The following MGAT4C variants were observed in gnomAD, a reference collection of about 807,000 sequenced individuals.
MGAT4C encodes MGAT4 family member C, also known as alpha-1,3-mannosyl-glycoprotein 4-beta-N-acetylglucosaminyltransferase C.
A neutral mutation model predicts 40.1 loss-of-function variants in MGAT4C; 19 were observed. The ratio of observed to expected loss-of-function variants is 0.47; its 90% confidence interval spans 0.33 to 0.70. The LOEUF (loss-of-function observed/expected upper bound fraction) is 0.70, where lower values mean the gene tolerates loss of function less well. Among genes scored for constraint, MGAT4C ranks in the 30% least tolerant of loss-of-function variants. MGAT4C has a pLI of 0.02. For missense variants in MGAT4C, 491 were observed against 563.2 expected (o/e 0.87, Z 1.30); for synonymous variants, 181 against 187.1 (o/e 0.97, Z 0.27).
intron 3 of MGAT4C, among the ~76,000 whole-genome samples, chr12:86,434,913 G>A (rs1225259444): frequency 6.6e-6 from 1 of 151,798 alleles, no homozygotes; most frequent in East Asian, 1.9e-4. Flanking sequence ...TCACTCAACA[G>A]AAGAGTAGTT....
intron 2 of MGAT4C, among the ~76,000 whole-genome samples, chr12:86,575,583 C>T (rs763426256): frequency 6.6e-5 from 10 of 151,768 alleles, no homozygotes; most frequent in African/African-American, 2.4e-4. Flanking sequence ...GTATATGTAT[C>T]GTATTTTTCT....
chr12:86,268,546 T>C (rs929047311), intron 4 of MGAT4C, among the ~76,000 whole-genome samples: 4 of 151,464 alleles, frequency 2.6e-5, no homozygotes, highest in South Asian at 2.1e-4. Context: ...TACGGACTCA[T>C]AGATTTTTGA....
chr12:86,759,597 T>C (rs1245536634), intron 1 of MGAT4C, among the ~76,000 whole-genome samples: 2 of 152,072 alleles, frequency 1.3e-5, no homozygotes, highest in Non-Finnish European at 2.9e-5. Context: ...TAAGGTTATA[T>C]CTCATTTTAA....
intron 1 of MGAT4C, among the ~76,000 whole-genome samples, chr12:86,811,956 C>T (rs981419041): frequency 2.0e-5 from 3 of 152,372 alleles, no homozygotes; most frequent in East Asian, 3.9e-4. Flanking sequence ...TCATGCTATA[C>T]ATTTTTCTCT....
At chr12:86,739,573 C>G (rs1390645797) in intron 1 of MGAT4C, among the ~76,000 whole-genome samples, 1 of 150,738 alleles carries the variant, frequency 6.6e-6, no homozygotes, top group East Asian at 1.9e-4. Flanking sequence ...CATGCACAGA[C>G]TTTTCTTATC....
chr12:86,803,315 G>A (rs1445870821), intron 1 of MGAT4C, among the ~76,000 whole-genome samples: 1 of 151,328 alleles, frequency 6.6e-6, no homozygotes, highest in Non-Finnish European at 1.5e-5. Flanking sequence ...AAAAACCCTA[G>A]AAGAAAACCT....
intron 4 of MGAT4C, among the ~76,000 whole-genome samples, chr12:86,271,260 A>T (rs1325266845): frequency 6.6e-6 from 1 of 152,184 alleles, no homozygotes; most frequent in Non-Finnish European, 1.5e-5. Flanking sequence ...CAAACTATCC[A>T]CCCAACAGGG....
intron 4 of MGAT4C, among the ~76,000 whole-genome samples, chr12:86,319,597 C>A (rs2136159996): frequency 6.6e-6 from 1 of 152,264 alleles, no homozygotes; most frequent in African/African-American, 2.4e-5. Context: ...TTGCTTTTCT[C>A]TCTTCTTCCA....
chr12:86,653,751 A>G (rs1963764987), intron 2 of MGAT4C, among the ~76,000 whole-genome samples: 1 of 150,288 alleles, frequency 6.7e-6, no homozygotes, highest in Non-Finnish European at 1.5e-5. Flanking sequence ...CACTCATTTA[A>G]AGATTCTATT....
intron 2 of MGAT4C, among the ~76,000 whole-genome samples, chr12:86,491,769 C>T (rs201392993): frequency 6.6e-6 from 1 of 150,726 alleles, no homozygotes; most frequent in Non-Finnish European, 1.5e-5. Context: ...CACTCCTATT[C>T]AACATAGTGT....
intron 3 of MGAT4C, among the ~76,000 whole-genome samples, chr12:86,383,490 G>T (rs1044556451): frequency 7.5e-6 from 1 of 134,168 alleles, no homozygotes; most frequent in African/African-American, 2.8e-5. Context: ...GATGGAGGTT[G>T]CAGTGAGCCA....
rs58212652 is a variant in MGAT4C, at chr12:85,977,780, TCACACACACACACACACACACACACACA to T, written c.*1481_*1508del. On this transcript the variant is annotated 3_prime_UTR_variant, in exon 5 of 5. Coordinates refer to ENST00000611864, the MANE Select transcript of MGAT4C (RefSeq NM_001351288.2). Reference sequence around the variant, plus strand: ...TGTCTTACCAGCAAAAGTCTAGCCTTCACACACACACACACACACACACACACACACACACACACACACACACACACAC... The same window carrying T: ...TGTCTTACCAGCAAAAGTCTAGCCTTCACACACACACACACACACACACAC... 3.1e-5 allele frequency: 4 copies of T among 128,464 alleles called. No individual in the cohort carries two copies. The highest frequency in any genetic ancestry group is 6.6e-5 in the Non-Finnish European group (4 of 60,792). 8.0% of individuals were successfully genotyped at this position (128,464 alleles called of 1,614,324 possible). A position where few individuals can be genotyped will look rare whatever the true frequency, so the allele number is the denominator to read the frequency against.
chr12:86,070,287 C>G (rs144995801), intron 1 of MGAT4C, among the ~76,000 whole-genome samples: 10 of 152,166 alleles, frequency 6.6e-5, no homozygotes, highest in Non-Finnish European at 1.2e-4. Context: ...CATTTATCAT[C>G]TTTTAATATG....
intron 2 of MGAT4C, chr12:86,495,433 A>C (rs1958219719): frequency 6.6e-6 from 1 of 152,132 alleles, no homozygotes; most frequent in Non-Finnish European, 1.5e-5. Context: ...TCAGTGGCAA[A>C]TGAAAATAAT....
intron 1 of MGAT4C, among the ~76,000 whole-genome samples, chr12:86,192,230 C>G (rs1889594163): frequency 6.6e-6 from 1 of 151,618 alleles, no homozygotes; most frequent in African/African-American, 2.4e-5. Context: ...TACCCTAGAA[C>G]CTAAAGTATA....
At chr12:86,570,890 C>T (rs1305654426) in intron 2 of MGAT4C, among the ~76,000 whole-genome samples, 1 of 152,018 alleles carries the variant, frequency 6.6e-6, no homozygotes, top group Non-Finnish European at 1.5e-5. Context: ...CTTGGCTCAC[C>T]GCATCCTCCA....
At chr12:86,132,415 T>G (rs956375439) in intron 1 of MGAT4C, among the ~76,000 whole-genome samples, 4 of 152,158 alleles carry the variant, frequency 2.6e-5, no homozygotes, top group Non-Finnish European at 5.9e-5. Flanking sequence ...GAATAATTCT[T>G]CCTTTCATCA....
Position 86,584,117 on chromosome 12 carries a change from A to G in MGAT4C, c.-229+143092T>C, listed in dbSNP as rs1214395521. 2.0e-5 allele frequency among the ~76,000 whole-genome samples: 3 copies of G among 150,914 alleles called. No individual in the cohort carries two copies. The East Asian group carries it at 5.8e-4, about 29-fold the overall frequency. On this transcript the variant is annotated intron_variant, in intron 2 of 7. Transcript: ENST00000548651. ...TCAGTGAGTTTTATCAGTGAGTTTA[A>G]AACTCACTGATAATTCAGTGAATAT...
intron 1 of MGAT4C, among the ~76,000 whole-genome samples, chr12:86,074,671 A>C (rs1869320890): frequency 6.6e-6 from 1 of 152,194 alleles, no homozygotes; most frequent in Non-Finnish European, 1.5e-5. Flanking sequence ...TTTATAAAGA[A>C]AAAGAGGTTT....
Sources: allele counts gnomAD v4.1 joint callset (sites outside exome capture counted in the v4.1 genomes callset), GRCh38; gene constraint gnomAD v4.1.1; transcripts MANE v1.5; gene names NCBI Gene and HGNC (gene_info 2026-07-23, HGNC 2026-07-21).